The following ZFHX4 variants were observed in gnomAD, a reference collection of about 807,000 sequenced individuals.
ZFHX4 encodes zinc finger homeobox protein 4.
Under a neutral mutation model 267.6 loss-of-function variants are expected in ZFHX4, and 56 were observed. The observed-to-expected ratio is 0.21, with a 90% CI of 0.17 to 0.26. The LOEUF is 0.26. ZFHX4 is among the 10% of genes least tolerant of loss of function. The probability of loss-of-function intolerance (pLI) is 1.00; values close to 1 mark genes in which losing one functional copy is unlikely to be tolerated. For synonymous variants in ZFHX4, 1,778 were observed against 1,665.6 expected (o/e 1.07, Z -1.64); for missense variants, 4,332 against 4,420.0 (o/e 0.98, Z 0.56).
In ZFHX4 at chr8:76,842,642, C is replaced by G; in HGVS notation, c.3395-13C>G. 27 of 1,543,410 alleles carry G rather than the reference C, an allele frequency of 1.7e-5. No individual in the cohort carries two copies. The highest frequency in any genetic ancestry group is 2.4e-5 in the Non-Finnish European group (27 of 1,141,090). ...GTTTTCAGTTCTACTGATTGGTCTGCCTTTCTTAACAGAAGAACAAAGTGA... is the reference window on the plus strand; with the variant it reads ...GTTTTCAGTTCTACTGATTGGTCTGGCTTTCTTAACAGAAGAACAAAGTGA... On this transcript the variant is annotated splice_polypyrimidine_tract_variant and intron_variant, in intron 5 of 10. Coordinates refer to ENST00000651372, the MANE Select transcript of ZFHX4 (RefSeq NM_024721.5).
intron 3 of ZFHX4, among the ~76,000 whole-genome samples, chr8:76,709,390 A>C (rs1808362606): frequency 6.6e-6 from 1 of 152,198 alleles, no homozygotes; most frequent in Non-Finnish European, 1.5e-5. Flanking sequence ...TTCTAAGTTG[A>C]CAGTATTGAA....
At chr8:76,728,552 A>T (rs2131655683) in intron 3 of ZFHX4, among the ~76,000 whole-genome samples, 1 of 152,332 alleles carries the variant, frequency 6.6e-6, no homozygotes, top group South Asian at 2.1e-4. Context: ...CAAATTGGAA[A>T]GTCTGCCCCA....
At chr8:76,793,486 A>G (rs1810892988) in intron 4 of ZFHX4, among the ~76,000 whole-genome samples, 1 of 152,158 alleles carries the variant, frequency 6.6e-6, no homozygotes, top group African/African-American at 2.4e-5. Flanking sequence ...CTTCAATGCA[A>G]ATTCATATCT....
At position 76,863,728 on chromosome 8, in the gene ZFHX4, A is replaced by C; in HGVS notation, c.10014A>C (p.Gln3338His). The change falls in exon 11 of 11, where the codon CAA (glutamine) becomes CAC (histidine). Residue 3338 changes from glutamine (Q) to histidine (H), a missense_variant. Physicochemically the swap from Gln to His is conservative, Grantham distance 24. Around this residue, in one of 7 missense-constraint regions of ZFHX4, gnomAD observed 1,648 missense variants for 1,625.0 expected, o/e 1.01. Transcript: ENST00000651372. ...TGCAAAAGCAGCAAAAGCAACAGCAAGAACAGCAGCAGAAACCAGTTCAGG... is the reference window on the plus strand; with the variant it reads ...TGCAAAAGCAGCAAAAGCAACAGCACGAACAGCAGCAGAAACCAGTTCAGG... ...ESLQKQQKQQ[Q>H]EQQQKPVQAK... is the part of the protein sequence containing the mutation. 6.4e-7 allele frequency: 1 copy of C among 1,559,826 alleles called. No individual in the cohort carries two copies. The highest frequency in any genetic ancestry group is 8.7e-7 in the Non-Finnish European group (1 of 1,151,486).
rs181202250 is a variant in ZFHX4, at chr8:76,785,997, C to T, written c.3325+7558C>T. Among the ~76,000 whole-genome samples, 389 of 152,208 alleles carry T rather than the reference C, an allele frequency of 2.6e-3. 2 individuals are homozygous for T. The highest frequency in any genetic ancestry group is 8.9e-3 in the African/African-American group (370 of 41,554). ...GTTTCCCCTTGATTTCCTCAACTCA[C>T]GTAATTCTTGAAACAAACCCGTAAC... is the stretch of plus-strand genomic sequence containing the variant. On this transcript the variant is annotated intron_variant, in intron 4 of 10. Transcript: ENST00000651372.
At chr8:76,738,489 T>G (rs1809223764) in intron 3 of ZFHX4, among the ~76,000 whole-genome samples, 1 of 152,178 alleles carries the variant, frequency 6.6e-6, no homozygotes, top group African/African-American at 2.4e-5. Context: ...CTTTCATCAC[T>G]GAACCAAAGC....
At chr8:76,861,697 ATTTTTAT>A (rs1812871504) in intron 10 of ZFHX4, among the ~76,000 whole-genome samples, 1 of 151,714 alleles carries the variant, frequency 6.6e-6, no homozygotes, top group African/African-American at 2.4e-5. Flanking sequence ...GAGGTTTTTT[ATTTTTAT>A]TTTTTATTTT....
intron 5 of ZFHX4, among the ~76,000 whole-genome samples, chr8:76,834,627 T>C (rs930895522): frequency 6.6e-6 from 1 of 152,166 alleles, no homozygotes; most frequent in Admixed American, 6.5e-5. Context: ...GTAAGAGTTC[T>C]TTGTATATTT....
At chr8:76,711,252 A>G (rs1354728846) in intron 3 of ZFHX4, among the ~76,000 whole-genome samples, 1 of 152,128 alleles carries the variant, frequency 6.6e-6, no homozygotes, top group Non-Finnish European at 1.5e-5. Flanking sequence ...AATCTTACCC[A>G]TTTCTTCAAG....
chr8:76,833,353 G>A lies in ZFHX4; in HGVS notation c.3341G>A (p.Gly1114Glu), dbSNP rs1811986502. Residue 1114 changes from glycine to glutamate, a missense_variant, in exon 5 of 11, where the codon GGA (glycine) becomes GAA (glutamate). Transcript: ENST00000651372. ...TCTTCTGCAGAAACTGCCTCATTGG[G>A]AGCCAGGACTTGTGATGATGATCTT... ...PPNELETASL[G>E]ARTCDDDLTE... The A allele has an allele frequency of 1.9e-6, 3 of 1,610,886 alleles. No individual in the cohort carries two copies. Among genetic ancestry groups the A allele is most frequent in the Non-Finnish European group, 2.5e-6 (3 of 1,178,436 alleles).
intron 6 of ZFHX4, among the ~76,000 whole-genome samples, chr8:76,846,475 T>TA (rs1812367669): frequency 6.6e-6 from 1 of 152,098 alleles, no homozygotes; most frequent in East Asian, 1.9e-4. Context: ...GACGCATAAC[T>TA]GTATTGAATA....
chr8:76,859,596 A>G (rs1356322652), intron 10 of ZFHX4, among the ~76,000 whole-genome samples: 1 of 152,142 alleles, frequency 6.6e-6, no homozygotes, highest in African/African-American at 2.4e-5. Flanking sequence ...CTGATTTTAA[A>G]TGTTCCATTA....
intron 3 of ZFHX4, among the ~76,000 whole-genome samples, chr8:76,766,827 C>T (rs563306568): frequency 6.7e-6 from 1 of 149,804 alleles, no homozygotes; most frequent in African/African-American, 2.5e-5. Flanking sequence ...TTTTCAATTA[C>T]TATTTAAATA....
In ZFHX4 at chr8:76,802,215, A is replaced by T. The variant is rs141767261; in HGVS notation, c.3325+23776A>T. On this transcript the variant is annotated intron_variant, in intron 4 of 10. Coordinates refer to ENST00000651372, the MANE Select transcript of ZFHX4 (RefSeq NM_024721.5). The stretch of plus-strand genomic sequence containing the variant: ...TTCTTCAGGCAAGGCAGCCTTCAAG[A>T]TTATCCAGAACTGTCAATAGTAATT... Among the ~76,000 whole-genome samples, 674 of 152,258 alleles carry T rather than the reference A, an allele frequency of 4.4e-3. 13 individuals are homozygous for T. The highest frequency in any genetic ancestry group is 0.015 in the African/African-American group (626 of 41,570).
Position 76,830,781 on chromosome 8 carries a change from T to A in ZFHX4, c.3326-2557T>A, listed in dbSNP as rs1230686562. ...TCACTATCAAATGAAGTAACTTTAA[T>A]ATGGCACCAAATTATTATTTGGTTA... On this transcript the variant is annotated intron_variant, in intron 4 of 10. Coordinates refer to ENST00000651372, the MANE Select transcript of ZFHX4 (RefSeq NM_024721.5). 2.6e-5 allele frequency among the ~76,000 whole-genome samples: 4 copies of A among 152,194 alleles called. No individual in the cohort carries two copies. In the East Asian group the frequency reaches 7.7e-4, roughly 29 times the overall value.
At chr8:76,813,626 T>G (rs935323923) in intron 4 of ZFHX4, among the ~76,000 whole-genome samples, 18 of 152,166 alleles carry the variant, frequency 1.2e-4, no homozygotes, top group Non-Finnish European at 2.4e-4. Flanking sequence ...TATGCCTTTT[T>G]GAAAGTATTT....
chr8:76,836,334 T>C (rs1388157900), intron 5 of ZFHX4, among the ~76,000 whole-genome samples: 1 of 152,096 alleles, frequency 6.6e-6, no homozygotes, highest in African/African-American at 2.4e-5. Context: ...AACCCAGACC[T>C]ACTGAATCAG....
chr8:76,773,630 G>T (rs957624566), intron 3 of ZFHX4, among the ~76,000 whole-genome samples: 22 of 152,180 alleles, frequency 1.4e-4, no homozygotes, highest in African/African-American at 5.3e-4. Context: ...TTCCCTAATT[G>T]TTAAATCCTG....
At position 76,772,142 on chromosome 8, in the gene ZFHX4, C is replaced by T. The variant is rs192843190; in HGVS notation, c.3094-6066C>T. On this transcript the variant is annotated intron_variant, in intron 3 of 10. Transcript: ENST00000651372. ...ATATTGTGGAGATTTAATAAAAGAA[C>T]GTTATGGAAGGCATTTAGAACAGTG... is the stretch of plus-strand genomic sequence containing the variant. Among the ~76,000 whole-genome samples the T allele has an allele frequency of 1.8e-4, 28 of 152,102 alleles. No individual in the cohort carries two copies. In the East Asian group the frequency reaches 4.5e-3, roughly 24 times the overall value.
Sources: allele counts gnomAD v4.1 joint callset (sites outside exome capture counted in the v4.1 genomes callset), GRCh38; gene constraint gnomAD v4.1.1; regional missense constraint gnomAD v4.1.1; transcripts MANE v1.5; gene names NCBI Gene and HGNC (gene_info 2026-07-23, HGNC 2026-07-21).